SCAMP1: variants seen among roughly 807,000 people sequenced by gnomAD.
SCAMP1 encodes the protein secretory carrier membrane protein 1, also known as secretory carrier-associated membrane protein 1.
SCAMP1 carries 15 observed loss-of-function variants against 41.8 expected under a neutral mutation model. That is an observed-to-expected ratio of 0.36 (90% CI 0.24 to 0.55). SCAMP1 has a LOEUF of 0.55. SCAMP1 is among the 20% of genes least tolerant of loss of function. SCAMP1 has a pLI of 0.86. For missense variants in SCAMP1, 341 were observed against 412.6 expected, an observed-to-expected ratio of 0.83 and a Z score of 1.50; for synonymous variants, 135 against 136.8, an observed-to-expected ratio of 0.99 and a Z score of 0.09.
chr5:78,438,207 A>G (rs963591491), intron 6 of SCAMP1, among the ~76,000 whole-genome samples: 4 of 151,924 alleles, frequency 2.6e-5, no homozygotes, highest in East Asian at 3.9e-4. Context: ...TTATGTCTCT[A>G]TCTCCTTCAG....
At chr5:78,458,715 A>G (rs552938091) in intron 7 of SCAMP1, among the ~76,000 whole-genome samples, 2 of 152,296 alleles carry the variant, frequency 1.3e-5, no homozygotes, top group African/African-American at 4.8e-5. Context: ...CCCCGTCTCT[A>G]CTAAAGATAC....
At chr5:78,445,849 A>C (rs188571918) in intron 6 of SCAMP1, among the ~76,000 whole-genome samples, 5 of 152,360 alleles carry the variant, frequency 3.3e-5, no homozygotes, top group Admixed American at 6.5e-5. Flanking sequence ...CAGGTAAAGG[A>C]AGATTTGTGC....
intron 8 of SCAMP1, among the ~76,000 whole-genome samples, chr5:78,461,295 T>G (rs1180991780): frequency 2.0e-5 from 3 of 152,202 alleles, no homozygotes; most frequent in Non-Finnish European, 4.4e-5. Context: ...CTTCTAGGAT[T>G]TTTGTAGTTT....
At chr5:78,415,680 T>G in intron 3 of SCAMP1, 62 bp downstream of exon 3, 1 of 1,043,172 alleles carries the variant, frequency 9.6e-7, no homozygotes, top group Non-Finnish European at 1.4e-6. Flanking sequence ...ACATTTGCTT[T>G]CAGAGCAAAA....
chr5:78,448,999 T>TA (rs1274023314), intron 6 of SCAMP1, among the ~76,000 whole-genome samples: 7 of 80,748 alleles, frequency 8.7e-5, no homozygotes, highest in African/African-American at 2.7e-4. Context: ...AAACTCCGTC[T>TA]CAAAAAAAAA....
chr5:78,363,257 G>A (rs1453929092), intron 1 of SCAMP1, among the ~76,000 whole-genome samples: 1 of 150,882 alleles, frequency 6.6e-6, no homozygotes, highest in East Asian at 2.0e-4. Flanking sequence ...CTGTCGCCCA[G>A]GTTGGAGTGC....
At chr5:78,386,473 G>T (rs1751343726) in intron 1 of SCAMP1, among the ~76,000 whole-genome samples, 1 of 151,420 alleles carries the variant, frequency 6.6e-6, no homozygotes, top group African/African-American at 2.4e-5. Flanking sequence ...GAGATGTGAG[G>T]TACTGTTCTA....
chr5:78,438,851 G>A (rs1023371086), intron 6 of SCAMP1, among the ~76,000 whole-genome samples: 2 of 152,152 alleles, frequency 1.3e-5, no homozygotes, highest in African/African-American at 4.8e-5. Flanking sequence ...GGGAGTCTAA[G>A]TCTCTTTGTA....
intron 2 of SCAMP1, among the ~76,000 whole-genome samples, chr5:78,401,392 T>G (rs1419327387): frequency 6.6e-6 from 1 of 152,172 alleles, no homozygotes; most frequent in African/African-American, 2.4e-5. Flanking sequence ...CGATTGAGAC[T>G]GTATGGAATT....
rs1343714358 is a variant in SCAMP1, at chr5:78,477,431, C to T, written c.*1763C>T. ...CAGTTTGTTTTTCAGAGCCTGTAGT[C>T]TTATTGGAAATCTATTTTATCAGTG... On this transcript the variant is annotated 3_prime_UTR_variant, in exon 9 of 9. Transcript: ENST00000621999. 2.0e-5 allele frequency: 3 copies of T among 152,118 alleles called. No individual in the cohort carries two copies. The highest frequency in any genetic ancestry group is 4.8e-5 in the African/African-American group (2 of 41,456). The allele number at this position is 152,118 out of a possible 1,614,324, so 9.4% of individuals were successfully genotyped here. A position where few individuals can be genotyped will look rare whatever the true frequency, so the allele number is the denominator to read the frequency against.
intron 1 of SCAMP1, among the ~76,000 whole-genome samples, chr5:78,362,813 A>G (rs1750690579): frequency 6.6e-6 from 1 of 152,010 alleles, no homozygotes; most frequent in African/African-American, 2.4e-5. Flanking sequence ...TGATTTTTGA[A>G]ATAACATTTC....
intron 7 of SCAMP1, among the ~76,000 whole-genome samples, chr5:78,452,045 A>G (rs1159550554): frequency 6.6e-6 from 1 of 152,178 alleles, no homozygotes; most frequent in Non-Finnish European, 1.5e-5. Flanking sequence ...TATTGTGTCC[A>G]GTTTTGGACT....
intron 1 of SCAMP1, among the ~76,000 whole-genome samples, chr5:78,366,143 TC>T (rs1750789320): frequency 3.6e-5 from 5 of 138,672 alleles, no homozygotes; most frequent in African/African-American, 1.0e-4. Context: ...CCTTTTCTTT[TC>T]TTTTCTTTTT....
intron 8 of SCAMP1, among the ~76,000 whole-genome samples, chr5:78,467,066 G>A (rs1209461873): frequency 6.6e-6 from 1 of 152,144 alleles, no homozygotes; most frequent in Non-Finnish European, 1.5e-5. Context: ...AATTTGGGGA[G>A]TTTAAATTAA....
chr5:78,376,099 G>C (rs1014851437), intron 1 of SCAMP1, among the ~76,000 whole-genome samples: 3 of 152,040 alleles, frequency 2.0e-5, no homozygotes, highest in African/African-American at 4.8e-5. Context: ...TGAGGCTCAG[G>C]GGGGCATCAC....
intron 5 of SCAMP1, among the ~76,000 whole-genome samples, chr5:78,419,662 A>C (rs927347303): frequency 1.3e-5 from 2 of 152,214 alleles, no homozygotes; most frequent in Admixed American, 1.3e-4. Flanking sequence ...CATGCACAAC[A>C]TCTGGGTTAA....
intron 5 of SCAMP1, among the ~76,000 whole-genome samples, chr5:78,420,688 T>C (rs1322129649): frequency 6.6e-6 from 1 of 152,170 alleles, no homozygotes; most frequent in African/African-American, 2.4e-5. Context: ...CCTAAGTGAC[T>C]TCATCTGGAG....
chr5:78,456,602 C>G (rs561920882), intron 7 of SCAMP1, among the ~76,000 whole-genome samples: 1 of 150,660 alleles, frequency 6.6e-6, no homozygotes, highest in South Asian at 2.1e-4. Flanking sequence ...ACCTTTCTCT[C>G]TGGCTGCCCT....
chr5:78,467,914 G>A (rs1361228576), intron 8 of SCAMP1, among the ~76,000 whole-genome samples: 1 of 152,142 alleles, frequency 6.6e-6, no homozygotes, highest in Admixed American at 6.6e-5. Context: ...ATCCTTTGCA[G>A]GTATGTAGCA....
Sources: allele counts gnomAD v4.1 joint callset (sites outside exome capture counted in the v4.1 genomes callset), GRCh38; gene constraint gnomAD v4.1.1; transcripts MANE v1.5; gene names NCBI Gene and HGNC (gene_info 2026-07-23, HGNC 2026-07-21).